Variants in SSC5D observed in about 807,000 individuals in gnomAD.
SSC5D encodes the protein soluble scavenger receptor cysteine-rich domain-containing protein SSC5D.
A neutral mutation model predicts 104.6 loss-of-function variants in SSC5D; 106 were observed. The observed-to-expected ratio is 1.01, with a 90% confidence interval of 0.87 to 1.19. The LOEUF (loss-of-function observed/expected upper bound fraction) is 1.19. Among genes scored for constraint, SSC5D ranks in the 50% most tolerant of loss-of-function variants. SSC5D has a pLI of 0.00. For synonymous variants in SSC5D, 860 were observed against 883.5 expected (o/e 0.97, Z 0.47); for missense variants, 1,993 against 2,153.8 (o/e 0.93, Z 1.48).
chr19:55,507,339 C>CA (rs36021371), intron 12 of SSC5D, among the ~76,000 whole-genome samples: 3,403 of 31,720 alleles, frequency 0.11, 159 homozygotes, highest in East Asian at 0.18. Context: ...GACCCCGTCT[C>CA]AAAAAAAAAA....
At chr19:55,508,391 G>A (rs974113986) in intron 12 of SSC5D, among the ~76,000 whole-genome samples, 7 of 152,128 alleles carry the variant, frequency 4.6e-5, no homozygotes, top group African/African-American at 1.4e-4. Context: ...CTATTTTATC[G>A]CGTGCTCTCC....
chr19:55,506,538 GC>G (rs1987640454), intron 12 of SSC5D, among the ~76,000 whole-genome samples: 2 of 151,750 alleles, frequency 1.3e-5, no homozygotes, highest in Non-Finnish European at 2.9e-5. Flanking sequence ...GGGACTACAG[GC>G]GCCCACCACT....
chr19:55,489,366 T>C lies in SSC5D; in HGVS notation c.65T>C (p.Leu22Pro). The change falls in exon 3 of 14, where the codon CTG (leucine) becomes CCG (proline). Residue 22 changes from leucine to proline, a missense_variant. Physicochemically the swap from Leu to Pro is moderately conservative, Grantham distance 98. Transcript: ENST00000389623. Reference sequence around the variant, plus strand: ...CTCCAACCCTCAGAGCGCCTGCGCCTGGCCGATGGCCCCCATGGGTGCGCT... The same window carrying C: ...CTCCAACCCTCAGAGCGCCTGCGCCCGGCCGATGGCCCCCATGGGTGCGCT... ...VGIQAVERLRLADGPHGCAGR... is the reference protein window; with the variant it reads ...VGIQAVERLRPADGPHGCAGR... 6.9e-7 allele frequency: 1 copy of C among 1,459,718 alleles called. No individual in the cohort carries two copies. Among genetic ancestry groups the C allele is most frequent in the Non-Finnish European group, 9.0e-7 (1 of 1,114,874 alleles). 90.4% of individuals were successfully genotyped at this position (1,459,718 alleles called of 1,614,324 possible).
At position 55,489,363 on chromosome 19, in the gene SSC5D, G is replaced by A. The variant is rs536993850; in HGVS notation, c.62G>A (p.Arg21His). The change falls in exon 3 of 14, where the codon CGC (arginine) becomes CAC (histidine). Residue 21 changes from arginine to histidine, a missense_variant. Transcript: ENST00000389623. ...TTCCTCCAACCCTCAGAGCGCCTGC[G>A]CCTGGCCGATGGCCCCCATGGGTGC... ...LVGIQAVERL[R>H]LADGPHGCAG... 34 of 1,457,312 alleles carry A rather than the reference G, an allele frequency of 2.3e-5. No individual in the cohort carries two copies. Among genetic ancestry groups the A allele is most frequent in the Admixed American group, 5.7e-5 (2 of 35,050 alleles). 90.3% of individuals were successfully genotyped at this position (1,457,312 alleles called of 1,614,324 possible).
intron 6 of SSC5D, among the ~76,000 whole-genome samples, chr19:55,493,339 G>A (rs780669111): frequency 2.0e-5 from 3 of 151,630 alleles, no homozygotes; most frequent in Non-Finnish European, 4.4e-5. Flanking sequence ...CATGGGAGGT[G>A]GATCCAGGGG....
In SSC5D at chr19:55,490,798, C is replaced by T. The variant is rs1599911530; in HGVS notation, c.613C>T (p.His205Tyr). 6.5e-7 allele frequency: 1 copy of T among 1,543,824 alleles called. No homozygotes were observed. Among genetic ancestry groups the T allele is most frequent in the Non-Finnish European group, 8.7e-7 (1 of 1,144,816 alleles). Residue 205 changes from histidine (H) to tyrosine (Y), a missense_variant, in exon 6 of 14, where the codon CAC becomes TAC. Coordinates refer to ENST00000389623, the MANE Select transcript of SSC5D (RefSeq NM_001144950.2). ...GCGGCTGCGCCTGGTCTCTGGCCCC[C>T]ACAGGTGCGCCGGACGCCTGGAGGT... ...QERLRLVSGP[H>Y]RCAGRLEVWH...
In SSC5D at chr19:55,518,477, A is replaced by C. The variant is rs753284639; in HGVS notation, c.4201A>C (p.Ser1401Arg). 1.9e-6 allele frequency: 3 copies of C among 1,551,188 alleles called. No homozygotes were observed. Among genetic ancestry groups the C allele is most frequent in the Admixed American group, 2.0e-5 (1 of 50,970 alleles). ...SSPSRSSTAT[S>R]MDPLSTEDFK... The stretch of plus-strand genomic sequence containing the variant: ...CCCCTCCAGGTCCTCCACAGCCACA[A>C]GCATGGACCCACTGTCCACTGAGGA... Residue 1401 changes from serine (S) to arginine (R), a missense_variant, in exon 14 of 14, where the codon AGC becomes CGC. Ser to Arg is a moderately radical substitution (Grantham distance 110). Transcript: ENST00000389623.
chr19:55,493,708 G>C lies in SSC5D; in HGVS notation c.1009G>C (p.Asp337His). ...GTGTGACGACGCCTGGGACCTGCGA[G>C]ACGCCGCTGTGGCCTGCCGAGAGCT... ...SVCDDAWDLR[D>H]AAVACRELGC... Residue 337 changes from aspartate to histidine, a missense_variant, in exon 7 of 14, where the codon GAC becomes CAC. Asp to His is a moderately conservative substitution (Grantham distance 81). Transcript: ENST00000389623. 6.6e-7 allele frequency: 1 copy of C among 1,514,380 alleles called. No individual in the cohort carries two copies. Among genetic ancestry groups the C allele is most frequent in the Non-Finnish European group, 8.8e-7 (1 of 1,135,962 alleles). The allele number at this position is 1,514,380 out of a possible 1,614,324, so 93.8% of individuals were successfully genotyped here.
At chr19:55,515,731 C>CAAA (rs35843272) in intron 13 of SSC5D, among the ~76,000 whole-genome samples, 1 of 142,606 alleles carries the variant, frequency 7.0e-6, no homozygotes, top group Non-Finnish European at 1.5e-5. Flanking sequence ...GACTCCGTCT[C>CAAA]AAAAAAAAAA....
intron 13 of SSC5D, among the ~76,000 whole-genome samples, chr19:55,514,991 AC>A (rs1454702689): frequency 6.6e-6 from 1 of 152,156 alleles, no homozygotes; most frequent in Admixed American, 6.5e-5. Context: ...CCTTTACTTA[AC>A]CGCTTCTCCA....
rs1232740228 is a variant in SSC5D, at chr19:55,500,522, A to G, written c.2335A>G (p.Asn779Asp). Residue 779 changes from asparagine to aspartate, a missense_variant, in exon 11 of 14, where the codon AAC (asparagine) becomes GAC (aspartate). This residue lies in a region of SSC5D where 70 missense variants were observed against 107.1 expected (regional missense o/e 0.65). Transcript: ENST00000389623. This position sits in a 1 kb window ranked among gnomAD's most constrained non-coding sequence, Gnocchi z 4.6. ...LFRVRLADGP[N>D]RCAGRLEVWH... is the part of the protein sequence containing the mutation. ...CCGGGTTCGTCTGGCCGATGGGCCC[A>G]ACCGCTGTGCTGGCCGGCTGGAAGT... 1.3e-5 allele frequency: 20 copies of G among 1,551,570 alleles called. No individual in the cohort carries two copies. The highest frequency in any genetic ancestry group is 1.7e-5 in the Non-Finnish European group (19 of 1,146,988).
Position 55,499,924 on chromosome 19 carries a change from C to G in SSC5D, c.1814C>G (p.Ser605Cys). 6.4e-7 allele frequency: 1 copy of G among 1,551,848 alleles called. No individual in the cohort carries two copies. Among genetic ancestry groups the G allele is most frequent in the East Asian group, 2.4e-5 (1 of 40,900 alleles). ...WLPGELATKP[S>C]ASVTASVLEK... ...CCGGGAGAGCTGGCCACCAAGCCCT[C>G]TGCAAGTGTGACTGCCAGTGTTCTG... The change falls in exon 10 of 14, where the codon TCT (serine) becomes TGT (cysteine). Residue 605 changes from serine (S) to cysteine (C), a missense_variant. By Grantham distance (112) the Ser-to-Cys change is moderately radical. Coordinates refer to ENST00000389623, the MANE Select transcript of SSC5D (RefSeq NM_001144950.2).
In SSC5D at chr19:55,517,563, A is replaced by G. The variant is rs1987901312; in HGVS notation, c.3287A>G (p.Lys1096Arg). 6.4e-7 allele frequency: 1 copy of G among 1,550,914 alleles called. No individual in the cohort carries two copies. The highest frequency in any genetic ancestry group is 2.0e-5 in the Admixed American group (1 of 50,888). The part of the protein sequence containing the change: ...PSPTPLPTLP[K>R]ELTSDPSTPS... The stretch of plus-strand genomic sequence containing the variant: ...CCCACGCCCTTACCCACCTTGCCCA[A>G]AGAGCTGACCTCTGACCCTTCTACA... Residue 1096 changes from lysine to arginine, a missense_variant, in exon 14 of 14, where the codon AAA (lysine) becomes AGA (arginine). By Grantham distance (26) the Lys-to-Arg change is conservative. Around this residue, in one of 6 missense-constraint regions of SSC5D, gnomAD observed 423 missense variants for 409.2 expected, o/e 1.03. Transcript: ENST00000389623.
chr19:55,489,467 G>C lies in SSC5D; in HGVS notation c.166G>C (p.Val56Leu). Reference protein sequence around the residue: ...DDGWDLRDAAVACRQLGCGGA... With the variant: ...DDGWDLRDAALACRQLGCGGA... Reference sequence around the variant, plus strand: ...CGGCTGGGACCTGCGCGATGCCGCCGTGGCCTGCCGGCAGCTGGGCTGCGG... The same window carrying C: ...CGGCTGGGACCTGCGCGATGCCGCCCTGGCCTGCCGGCAGCTGGGCTGCGG... The change falls in exon 3 of 14, where the codon GTG (valine) becomes CTG (leucine). Residue 56 changes from valine to leucine, a missense_variant. Physicochemically the swap from Val to Leu is conservative, Grantham distance 32. This residue lies in a region of SSC5D where 1,101 missense variants were observed against 1,085.0 expected (regional missense o/e 1.01). Coordinates refer to ENST00000389623, the MANE Select transcript of SSC5D (RefSeq NM_001144950.2). 1 of 1,474,048 alleles carries C rather than the reference G, an allele frequency of 6.8e-7. No individual in the cohort carries two copies. The highest frequency in any genetic ancestry group is 8.9e-7 in the Non-Finnish European group (1 of 1,120,400). The allele number at this position is 1,474,048 out of a possible 1,614,324, so 91.3% of individuals were successfully genotyped here.
intron 12 of SSC5D, among the ~76,000 whole-genome samples, chr19:55,511,207 C>A (rs1987748974): frequency 6.6e-6 from 1 of 152,172 alleles, no homozygotes; most frequent in African/African-American, 2.4e-5. Flanking sequence ...AATACGAAGG[C>A]ATGACGGAGG....
rs779669648 is a variant in SSC5D at position 55,500,430 on chromosome 19, G to C, written c.2302+18G>C. 6.5e-7 allele frequency: 1 copy of C among 1,549,168 alleles called. No individual in the cohort carries two copies. On this transcript the variant is annotated intron_variant, in intron 10 of 13. Coordinates refer to ENST00000389623, the MANE Select transcript of SSC5D (RefSeq NM_001144950.2). The surrounding 1 kb of genome is among the most constrained non-coding windows in gnomAD (Gnocchi z 4.6). Reference sequence around the variant, plus strand: ...GGAATCAGGTGAGTGGCCGTGAGGGGTGTGGGGAGAGAATGGGAGAGGCTG... The same window carrying C: ...GGAATCAGGTGAGTGGCCGTGAGGGCTGTGGGGAGAGAATGGGAGAGGCTG...
rs1207064116 is a variant in SSC5D, at chr19:55,500,255, G to A, written c.2145G>A (p.Met715Ile). 3 of 1,551,252 alleles carry A rather than the reference G, an allele frequency of 1.9e-6. No individual in the cohort carries two copies. In the East Asian group the frequency reaches 7.3e-5, roughly 38 times the overall value. The stretch of plus-strand genomic sequence containing the variant: ...AACGGACCACTAAGACCATGGCAAT[G>A]CTGACCACTCAAGGCCCCCAAGAAA... ...PRERTTKTMAMLTTQGPQEMT... is the reference protein window; with the variant it reads ...PRERTTKTMAILTTQGPQEMT... The change falls in exon 10 of 14, where the codon ATG becomes ATA. Residue 715 changes from methionine (M) to isoleucine (I), a missense_variant. Coordinates refer to ENST00000389623, the MANE Select transcript of SSC5D (RefSeq NM_001144950.2). The surrounding 1 kb of genome is among the most constrained non-coding windows in gnomAD (Gnocchi z 4.6).
intron 6 of SSC5D, among the ~76,000 whole-genome samples, chr19:55,493,031 C>A (rs188424681): frequency 6.6e-6 from 1 of 151,984 alleles, no homozygotes; most frequent in East Asian, 1.9e-4. Context: ...TCCCCTCCCC[C>A]CAAAAATAAA....
Position 55,494,646 on chromosome 19 carries a change from C to T in SSC5D, c.1250C>T (p.Thr417Met), listed in dbSNP as rs368338369. Residue 417 changes from threonine (T) to methionine (M), a missense_variant, in exon 8 of 14, where the codon ACG (threonine) becomes ATG (methionine). This residue lies in a region of SSC5D where 1,101 missense variants were observed against 1,085.0 expected (regional missense o/e 1.01). Transcript: ENST00000389623. Reference protein sequence around the residue: ...PLGYVPPTAPTDSNNSTPREA... With the variant: ...PLGYVPPTAPMDSNNSTPREA... ...GGCTACGTCCCTCCCACGGCCCCCA[C>T]GGACAGCAACAACTCCACGCCCAGG... 513 of 1,546,052 alleles carry T rather than the reference C, an allele frequency of 3.3e-4. No homozygotes were observed. Among genetic ancestry groups the T allele is most frequent in the Non-Finnish European group, 4.2e-4 (484 of 1,144,304 alleles).
Sources: allele counts gnomAD v4.1 joint callset (sites outside exome capture counted in the v4.1 genomes callset), GRCh38; gene constraint gnomAD v4.1.1; regional missense constraint gnomAD v4.1.1; non-coding constraint Gnocchi (gnomAD v3.1); transcripts MANE v1.5; gene names NCBI Gene and HGNC (gene_info 2026-07-23, HGNC 2026-07-21).